The following JDP2 variants were observed in gnomAD, a reference collection of about 807,000 sequenced individuals.
JDP2 encodes the protein Jun dimerization protein 2.
Under a neutral mutation model 17.1 loss-of-function variants are expected in JDP2, and 9 were observed. The observed-to-expected ratio is 0.53, with a 90% confidence interval of 0.32 to 0.92. JDP2 has a LOEUF of 0.92. JDP2 is among the 40% of genes least tolerant of loss of function. The pLI, the probability that JDP2 is intolerant of heterozygous loss-of-function variation, is 0.04. For missense variants in JDP2, 179 were observed against 220.0 expected (o/e 0.81, Z 1.18); for synonymous variants, 107 against 95.6 (o/e 1.12, Z -0.69).
chr14:75,437,186 A>G (rs1165392508), intron 1 of JDP2, among the ~76,000 whole-genome samples: 1 of 151,980 alleles, frequency 6.6e-6, no homozygotes, highest in East Asian at 1.9e-4. Context: ...AAAAAAAAAA[A>G]AAAAAAGCAT....
chr14:75,450,297 C>T (rs1223059455), intron 2 of JDP2, among the ~76,000 whole-genome samples: 1 of 152,146 alleles, frequency 6.6e-6, no homozygotes, highest in African/African-American at 2.4e-5. Flanking sequence ...CTGTCCGACC[C>T]AGGACCGGGG....
intron 3 of JDP2, among the ~76,000 whole-genome samples, chr14:75,465,518 C>G (rs1886535037): frequency 6.6e-6 from 1 of 152,098 alleles, no homozygotes. Context: ...TTTGTAGAGA[C>G]CGGGGCTCCC....
intron 2 of JDP2, among the ~76,000 whole-genome samples, chr14:75,442,411 A>G (rs1462150481): frequency 2.0e-5 from 3 of 152,020 alleles, no homozygotes; most frequent in African/African-American, 7.2e-5. Context: ...CTACTCACTG[A>G]TGTCTTACCC....
chr14:75,449,962 G>A (rs556822468), intron 2 of JDP2, among the ~76,000 whole-genome samples: 11 of 152,272 alleles, frequency 7.2e-5, no homozygotes, highest in Admixed American at 7.2e-4. Flanking sequence ...GTGGAAATGG[G>A]GCTGTTCTCC....
intron 1 of JDP2, among the ~76,000 whole-genome samples, chr14:75,434,092 G>GGGGA (rs1293427832): frequency 6.6e-6 from 1 of 152,166 alleles, no homozygotes; most frequent in Non-Finnish European, 1.5e-5. Context: ...CTTGAAGTGG[G>GGGGA]TAAGTTCCTT....
chr14:75,459,404 G>A (rs539898956), intron 2 of JDP2, among the ~76,000 whole-genome samples: 2 of 152,344 alleles, frequency 1.3e-5, no homozygotes, highest in East Asian at 1.9e-4. Context: ...TGGGTGTGGC[G>A]GTGTTGACGA....
At chr14:75,459,422 C>T (rs532610382) in intron 2 of JDP2, among the ~76,000 whole-genome samples, 1 of 152,284 alleles carries the variant, frequency 6.6e-6, no homozygotes, top group East Asian at 1.9e-4. Flanking sequence ...CGAGGCGCCT[C>T]TGCAGCTGAC....
chr14:75,434,720 C>T (rs986620595), intron 1 of JDP2, among the ~76,000 whole-genome samples: 1 of 152,126 alleles, frequency 6.6e-6, no homozygotes, highest in African/African-American at 2.4e-5. Flanking sequence ...TGGCTTCCAT[C>T]TCCCAGAGAT....
At chr14:75,443,885 A>G (rs892619112) in intron 2 of JDP2, among the ~76,000 whole-genome samples, 1 of 148,692 alleles carries the variant, frequency 6.7e-6, no homozygotes, top group Non-Finnish European at 1.5e-5. Context: ...TAATAATAAT[A>G]CCTACCTCTT....
intron 3 of JDP2, among the ~76,000 whole-genome samples, chr14:75,467,599 G>A (rs534506942): frequency 6.6e-6 from 1 of 152,260 alleles, no homozygotes; most frequent in South Asian, 2.1e-4. Flanking sequence ...CTTGGGCTGG[G>A]GAGACCGTGA....
chr14:75,469,370 C>A lies in JDP2; in HGVS notation c.387C>A (p.Ile129=), dbSNP rs1371768594. 1 of 1,614,112 alleles carries A rather than the reference C, an allele frequency of 6.2e-7. No individual in the cohort carries two copies. Among genetic ancestry groups the A allele is most frequent in the South Asian group, 1.1e-5 (1 of 91,078 alleles). Residue 129 remains isoleucine (I), a synonymous_variant, in exon 4 of 4, where the codon ATC becomes ATA. Coordinates refer to ENST00000651602, the MANE Select transcript of JDP2 (RefSeq NM_001135048.2). ...EELKQERQQL[I]LMLNRHRPTC... The stretch of plus-strand genomic sequence containing the variant: ...TGAAGCAGGAGCGGCAGCAGCTCAT[C>A]CTGATGCTGAACCGACACCGCCCCA...
chr14:75,442,596 T>C (rs1885406034), intron 2 of JDP2, among the ~76,000 whole-genome samples: 1 of 152,256 alleles, frequency 6.6e-6, no homozygotes, highest in African/African-American at 2.4e-5. Flanking sequence ...CCAGCCATTG[T>C]TCATTAGGTT....
chr14:75,449,891 C>A (rs1026355094), intron 2 of JDP2, among the ~76,000 whole-genome samples: 2 of 152,196 alleles, frequency 1.3e-5, no homozygotes, highest in African/African-American at 2.4e-5. Context: ...AAATGGGTGT[C>A]ACCCTGCCTA....
intron 2 of JDP2, among the ~76,000 whole-genome samples, chr14:75,459,971 A>G (rs1271916490): frequency 1.3e-5 from 2 of 152,218 alleles, no homozygotes; most frequent in African/African-American, 4.8e-5. Context: ...GCCTTGGGCA[A>G]ATTGAACTAT....
rs1428255533 is a variant in JDP2, at chr14:75,469,364, GC to G, written c.382del (p.Leu128SerfsTer3). 6.2e-7 allele frequency: 1 copy of G among 1,614,158 alleles called. No homozygotes were observed. ...IEELKQERQQLILMLNRHRPT... is the reference protein window; with the variant it reads ...IEELKQERQQXILMLNRHRPT... ...AGGAGCTGAAGCAGGAGCGGCAGCAGCTCATCCTGATGCTGAACCGACACCG... is the reference window on the plus strand; with the variant it reads ...AGGAGCTGAAGCAGGAGCGGCAGCAGTCATCCTGATGCTGAACCGACACCG... On this transcript the variant is annotated frameshift_variant, in exon 4 of 4. Coordinates refer to ENST00000651602, the MANE Select transcript of JDP2 (RefSeq NM_001135048.2). LOFTEE classifies it high-confidence loss of function.
At chr14:75,463,141 A>G (rs1239222066) in intron 3 of JDP2, among the ~76,000 whole-genome samples, 1 of 152,266 alleles carries the variant, frequency 6.6e-6, no homozygotes, top group Non-Finnish European at 1.5e-5. Context: ...CATGTTAGTG[A>G]CACACCAGTG....
chr14:75,455,145 C>T (rs530622758), intron 2 of JDP2, among the ~76,000 whole-genome samples: 8 of 152,234 alleles, frequency 5.3e-5, no homozygotes, highest in Middle Eastern at 3.4e-3. Flanking sequence ...CACAAATCTG[C>T]GTGCGCATGT....
intron 3 of JDP2, among the ~76,000 whole-genome samples, chr14:75,468,170 A>T (rs946089943): frequency 6.6e-6 from 1 of 152,074 alleles, no homozygotes; most frequent in African/African-American, 2.4e-5. Flanking sequence ...TGACTGATAC[A>T]AGTTGCTCAA....
chr14:75,443,683 A>G (rs1329673648), intron 2 of JDP2, among the ~76,000 whole-genome samples: 2 of 152,132 alleles, frequency 1.3e-5, no homozygotes, highest in African/African-American at 2.4e-5. Flanking sequence ...GAGCATTCAC[A>G]AGGGTTCTGA....
Sources: gnomAD v4.1 joint callset for allele counts (sites outside exome capture counted in the v4.1 genomes callset) on GRCh38, gnomAD v4.1.1 for gene constraint, MANE v1.5 for transcripts, NCBI Gene and HGNC (gene_info 2026-07-23, HGNC 2026-07-21) for gene names.